The following FNBP1L variants were observed in gnomAD, a reference collection of about 807,000 sequenced individuals.
FNBP1L encodes the protein formin binding protein 1 like.
In FNBP1L, 36 loss-of-function variants were observed where a neutral mutation model predicts 91.2. That is an observed-to-expected ratio of 0.39 (90% CI 0.30 to 0.52). The LOEUF is 0.52. Among genes scored for constraint, FNBP1L ranks in the 20% least tolerant of loss-of-function variants. FNBP1L has a pLI of 0.66. For synonymous variants in FNBP1L, 242 were observed against 237.0 expected (o/e 1.02, Z -0.19); for missense variants, 571 against 732.1 (o/e 0.78, Z 2.54).
intron 5 of FNBP1L, among the ~76,000 whole-genome samples, chr1:93,529,123 A>G (rs575011755): frequency 3.4e-4 from 51 of 152,204 alleles, no homozygotes; most frequent in Admixed American, 1.4e-3. Context: ...AAAAAGTATA[A>G]AAATAAATGC....
intron 10 of FNBP1L, among the ~76,000 whole-genome samples, chr1:93,540,574 A>G (rs1672004844): frequency 6.6e-6 from 1 of 152,140 alleles, no homozygotes; most frequent in Non-Finnish European, 1.5e-5. Context: ...ACTTTGAAGT[A>G]TAAAAATGTA....
intron 1 of FNBP1L, among the ~76,000 whole-genome samples, chr1:93,456,602 C>CAAAA (rs60167572): frequency 2.6e-4 from 14 of 53,362 alleles, no homozygotes; most frequent in African/African-American, 7.8e-4. Context: ...CCTTCTCTAC[C>CAAAA]AAAAAAAAAA....
chr1:93,526,507 A>G (rs1671499624), intron 5 of FNBP1L, among the ~76,000 whole-genome samples: 1 of 152,160 alleles, frequency 6.6e-6, no homozygotes, highest in African/African-American at 2.4e-5. Flanking sequence ...GGGAAGGAAA[A>G]CTTTCCCAGA....
Position 93,536,510 on chromosome 1 carries a change from A to G in FNBP1L, c.1149+20A>G. 1.3e-6 allele frequency: 2 copies of G among 1,539,870 alleles called. No homozygotes were observed. The highest frequency in any genetic ancestry group is 1.8e-6 in the Non-Finnish European group (2 of 1,141,204). Reference sequence around the variant, plus strand: ...AGAGGGGTAAGTTTAATAATGGGTTAAAATGCATGATGGCCTATTGTGTGT... The same window carrying G: ...AGAGGGGTAAGTTTAATAATGGGTTGAAATGCATGATGGCCTATTGTGTGT... On this transcript the variant is annotated intron_variant, in intron 10 of 16. Coordinates refer to ENST00000271234, the MANE Select transcript of FNBP1L (RefSeq NM_001164473.3).
chr1:93,466,143 C>T (rs1306691605), intron 1 of FNBP1L, among the ~76,000 whole-genome samples: 2 of 151,922 alleles, frequency 1.3e-5, no homozygotes, highest in African/African-American at 4.8e-5. Context: ...TTCTCCCGTT[C>T]TGTAGGTTGC....
intron 1 of FNBP1L, among the ~76,000 whole-genome samples, chr1:93,466,256 T>C (rs1245976852): frequency 6.6e-6 from 1 of 152,220 alleles, no homozygotes; most frequent in African/African-American, 2.4e-5. Context: ...TTTTGGTGTT[T>C]TAGTCATGAA....
chr1:93,479,946 A>G (rs1669636091), intron 1 of FNBP1L, among the ~76,000 whole-genome samples: 1 of 152,246 alleles, frequency 6.6e-6, no homozygotes, highest in South Asian at 2.1e-4. Flanking sequence ...CAGGCATAAG[A>G]AATTATAAGA....
chr1:93,507,107 ACT>A (rs545137195), intron 2 of FNBP1L, among the ~76,000 whole-genome samples: 114 of 45,494 alleles, frequency 2.5e-3, no homozygotes, highest in South Asian at 3.7e-3. Context: ...ACACACACAC[ACT>A]CTCTCTCTCT....
At chr1:93,530,376 A>G (rs1671633468) in intron 6 of FNBP1L, among the ~76,000 whole-genome samples, 1 of 152,154 alleles carries the variant, frequency 6.6e-6, no homozygotes, top group Non-Finnish European at 1.5e-5. Context: ...ATATTCCTAA[A>G]GCTACCTGTT....
chr1:93,516,368 C>T (rs962642166), intron 2 of FNBP1L, among the ~76,000 whole-genome samples: 1 of 152,104 alleles, frequency 6.6e-6, no homozygotes, highest in African/African-American at 2.4e-5. Flanking sequence ...TTAAAAGCTC[C>T]CTCCTTGTCC....
At chr1:93,543,041 G>A (rs1178345748) in intron 11 of FNBP1L, among the ~76,000 whole-genome samples, 1 of 151,948 alleles carries the variant, frequency 6.6e-6, no homozygotes, top group Non-Finnish European at 1.5e-5. Context: ...TGATCCACCC[G>A]CCTCAGCCTC....
chr1:93,547,476 C>G, intron 14 of FNBP1L, 35 bp downstream of exon 14: 2 of 1,501,682 alleles, frequency 1.3e-6, no homozygotes, highest in Non-Finnish European at 1.8e-6. Flanking sequence ...TTTCTTCTCC[C>G]CAGAGTTTTC....
At chr1:93,540,312 A>AT (rs1184932375) in intron 10 of FNBP1L, among the ~76,000 whole-genome samples, 1 of 152,204 alleles carries the variant, frequency 6.6e-6, no homozygotes, top group African/African-American at 2.4e-5. Flanking sequence ...TTTTCTAAAA[A>AT]TTGAAGTTAT....
chr1:93,535,261 C>G (rs1186257362), intron 9 of FNBP1L, among the ~76,000 whole-genome samples: 9 of 151,998 alleles, frequency 5.9e-5, no homozygotes. Flanking sequence ...AATGAATGAC[C>G]ACAGCCATAA....
intron 1 of FNBP1L, among the ~76,000 whole-genome samples, chr1:93,478,975 T>C (rs1023813669): frequency 6.6e-6 from 1 of 152,242 alleles, no homozygotes; most frequent in African/African-American, 2.4e-5. Flanking sequence ...CCATTTAAAC[T>C]TAAAGCAAAA....
At chr1:93,504,571 C>T (rs1373350370) in intron 2 of FNBP1L, among the ~76,000 whole-genome samples, 1 of 152,196 alleles carries the variant, frequency 6.6e-6, no homozygotes. Context: ...AATTTGGTTT[C>T]TGTGTCACTC....
At position 93,553,003 on chromosome 1, in the gene FNBP1L, AGTATTT is replaced by A. The variant is rs1672465822; in HGVS notation, c.*590_*595del. The A allele has an allele frequency of 1.3e-5, 2 of 152,222 alleles. No individual in the cohort carries two copies. 9.4% of individuals were successfully genotyped at this position (152,222 alleles called of 1,614,324 possible). On this transcript the variant is annotated 3_prime_UTR_variant, in exon 17 of 17. Transcript: ENST00000271234. ...TCTCCAGCACTAATGTTTCCATCTT[AGTATTT>A]GTGCACACTGCTATAACTTCCCCAC...
chr1:93,534,996 T>G (rs1298545389), intron 9 of FNBP1L, 88 bp downstream of exon 9: 16 of 981,064 alleles, frequency 1.6e-5, no homozygotes, highest in Non-Finnish European at 2.4e-5. Context: ...GATTTACCAT[T>G]AATGGAGAAT....
intron 1 of FNBP1L, among the ~76,000 whole-genome samples, chr1:93,459,942 TG>T (rs1386462460): frequency 0.014 from 21 of 1,508 alleles, no homozygotes; most frequent in Admixed American, 0.041. Context: ...GGATTTCAGA[TG>T]TGTGTGTGTG....
Sources: allele counts gnomAD v4.1 joint callset (sites outside exome capture counted in the v4.1 genomes callset), GRCh38; gene constraint gnomAD v4.1.1; transcripts MANE v1.5; gene names NCBI Gene and HGNC (gene_info 2026-07-23, HGNC 2026-07-21).